The following HIVEP1 variants were observed in gnomAD, a reference collection of about 807,000 sequenced individuals.
HIVEP1 encodes zinc finger protein 40.
In HIVEP1, 36 loss-of-function variants were observed where a neutral mutation model predicts 180.0. The observed-to-expected ratio is 0.20, with a 90% CI of 0.15 to 0.26. The LOEUF (loss-of-function observed/expected upper bound fraction) is 0.26, where lower values mean the gene tolerates loss of function less well. HIVEP1 is among the 10% of genes least tolerant of loss of function. The pLI, the probability that HIVEP1 is intolerant of heterozygous loss-of-function variation, is 1.00. For missense variants in HIVEP1, 3,143 were observed against 3,268.7 expected (o/e 0.96, Z 0.94); for synonymous variants, 1,239 against 1,239.0 (o/e 1.00, Z 0.00).
intron 3 of HIVEP1, among the ~76,000 whole-genome samples, chr6:12,102,009 C>T (rs540557965): frequency 6.7e-4 from 101 of 150,240 alleles, no homozygotes; most frequent in Middle Eastern, 3.6e-3. Flanking sequence ...TAAAGAGGGA[C>T]ATTTTCTAAT....
chr6:12,110,259 G>T (rs184862651), intron 3 of HIVEP1, among the ~76,000 whole-genome samples: 129 of 152,370 alleles, frequency 8.5e-4, no homozygotes, highest in African/African-American at 3.1e-3. Flanking sequence ...AAAGCCACCA[G>T]CTGTATTAGC....
At chr6:12,109,404 C>A (rs1774738339) in intron 3 of HIVEP1, among the ~76,000 whole-genome samples, 1 of 152,224 alleles carries the variant, frequency 6.6e-6, no homozygotes, top group Admixed American at 6.5e-5. Flanking sequence ...AAACTTCTTT[C>A]AAAATTGGAG....
In HIVEP1 at chr6:12,127,015, G is replaced by A. The variant is rs138982372; in HGVS notation, c.6075+1145G>A. ...TGGGATTACAGGTGCCCACCACCACGCCTGGCTTTTTGTATTTTTGGTAGA... is the reference window on the plus strand; with the variant it reads ...TGGGATTACAGGTGCCCACCACCACACCTGGCTTTTTGTATTTTTGGTAGA... On this transcript the variant is annotated intron_variant, in intron 4 of 8. Transcript: ENST00000379388. Among the ~76,000 whole-genome samples, 813 of 152,060 alleles carry A rather than the reference G, an allele frequency of 5.3e-3. 4 individuals carry two copies. Among genetic ancestry groups the A allele is most frequent in the African/African-American group, 0.018 (762 of 41,502 alleles).
intron 2 of HIVEP1, among the ~76,000 whole-genome samples, chr6:12,034,511 G>A (rs559646070): frequency 2.6e-5 from 4 of 152,304 alleles, no homozygotes; most frequent in East Asian, 1.9e-4. Flanking sequence ...CGACCCTGAC[G>A]CTGCAGTTCA....
the HIVEP1 span, among the ~76,000 whole-genome samples, chr6:12,177,348 G>T: frequency 3.3e-5 from 5 of 152,098 alleles, no homozygotes; most frequent in African/African-American, 1.2e-4. Flanking sequence ...ATACAAAGGG[G>T]CCATGTTCAT....
At chr6:12,040,241 G>A (rs897694808) in intron 2 of HIVEP1, among the ~76,000 whole-genome samples, 15 of 152,224 alleles carry the variant, frequency 9.9e-5, no homozygotes, top group South Asian at 2.1e-4. Flanking sequence ...AACTGTGTTC[G>A]AATCTTTGCT....
the HIVEP1 span, among the ~76,000 whole-genome samples, chr6:12,179,453 C>A: frequency 3.3e-5 from 5 of 152,138 alleles, no homozygotes; most frequent in African/African-American, 1.2e-4. Flanking sequence ...CTGATTGGAG[C>A]CAGAAAATAA....
chr6:12,172,202 CT>C, the HIVEP1 span, among the ~76,000 whole-genome samples: 5 of 152,132 alleles, frequency 3.3e-5, no homozygotes, highest in Non-Finnish European at 7.4e-5. Flanking sequence ...AATTACTTTG[CT>C]TTTGTTCTCT....
At chr6:12,206,055 A>G in the HIVEP1 span, among the ~76,000 whole-genome samples, 1 of 152,230 alleles carries the variant, frequency 6.6e-6, no homozygotes. Context: ...AATGTAATCA[A>G]GTTAACGAGG....
intron 2 of HIVEP1, among the ~76,000 whole-genome samples, chr6:12,022,858 G>C (rs1768333204): frequency 6.6e-6 from 1 of 152,232 alleles, no homozygotes; most frequent in African/African-American, 2.4e-5. Context: ...ATCTGGGGGA[G>C]AGAGGTCAGT....
intron 3 of HIVEP1, among the ~76,000 whole-genome samples, chr6:12,090,376 A>G (rs1362156624): frequency 6.6e-6 from 1 of 152,154 alleles, no homozygotes. Flanking sequence ...TAGTTAGACT[A>G]CTGAGCAGGT....
upstream of HIVEP1, among the ~76,000 whole-genome samples, chr6:12,009,078 G>T (rs1258982980): frequency 2.7e-5 from 4 of 150,480 alleles, no homozygotes; most frequent in African/African-American, 9.7e-5. Flanking sequence ...GGCGTGACCC[G>T]GCGGCCGGCG....
chr6:12,059,367 T>C (rs1272095192), intron 2 of HIVEP1, among the ~76,000 whole-genome samples: 2 of 152,156 alleles, frequency 1.3e-5, no homozygotes, highest in African/African-American at 4.8e-5. Flanking sequence ...CCTACATTTT[T>C]TGGGGGGCGG....
At chr6:12,196,497 G>T in the HIVEP1 span, among the ~76,000 whole-genome samples, 1 of 152,194 alleles carries the variant, frequency 6.6e-6, no homozygotes, top group Non-Finnish European at 1.5e-5. Context: ...TGTAGCCACT[G>T]ATCCTGTTGC....
intron 2 of HIVEP1, among the ~76,000 whole-genome samples, chr6:12,040,175 A>G (rs528323610): frequency 6.6e-6 from 1 of 152,326 alleles, no homozygotes; most frequent in East Asian, 1.9e-4. Context: ...GCTTTTATCA[A>G]AGTCCTGAAA....
At chr6:12,141,796 C>T in intron 7 of HIVEP1, among the ~76,000 whole-genome samples, 1 of 144,068 alleles carries the variant, frequency 6.9e-6, no homozygotes, top group Non-Finnish European at 1.5e-5. Context: ...AAGGCCATTA[C>T]ATAATGGCAA....
intron 2 of HIVEP1, among the ~76,000 whole-genome samples, chr6:12,064,707 C>T (rs1771453176): frequency 6.6e-6 from 1 of 152,156 alleles, no homozygotes; most frequent in African/African-American, 2.4e-5. Flanking sequence ...CTGACAGCTT[C>T]ATGGAGTTTT....
chr6:12,169,964 C>CA (rs201420149), downstream of HIVEP1, among the ~76,000 whole-genome samples: 1,660 of 151,866 alleles, frequency 0.011, 37 homozygotes, highest in African/African-American at 0.038. Context: ...ACTACAAATA[C>CA]AAAAAAAGTA....
At chr6:12,068,349 C>T (rs796700351) in intron 2 of HIVEP1, among the ~76,000 whole-genome samples, 14 of 152,226 alleles carry the variant, frequency 9.2e-5, no homozygotes, top group African/African-American at 3.4e-4. Flanking sequence ...CTTGGCTTCC[C>T]AAAGTACTAG....
Sources: gnomAD v4.1 joint callset for allele counts (sites outside exome capture counted in the v4.1 genomes callset) on GRCh38, gnomAD v4.1.1 for gene constraint, MANE v1.5 for transcripts, NCBI Gene and HGNC (gene_info 2026-07-23, HGNC 2026-07-21) for gene names.